The following SMAP1 variants were observed in gnomAD, a reference collection of about 807,000 sequenced individuals.
SMAP1 encodes the protein stromal membrane-associated protein 1.
In SMAP1, 24 loss-of-function variants were observed where a neutral mutation model predicts 58.5. That is an observed-to-expected ratio of 0.41 (90% CI 0.30 to 0.58). SMAP1 has a LOEUF of 0.58. SMAP1 is among the 20% of genes least tolerant of loss of function. The pLI is 0.29. For synonymous variants in SMAP1, 216 were observed against 196.6 expected, an observed-to-expected ratio of 1.10 and a Z score of -0.82; for missense variants, 563 against 566.3, an observed-to-expected ratio of 0.99 and a Z score of 0.06.
intron 6 of SMAP1, among the ~76,000 whole-genome samples, chr6:70,822,883 G>A (rs4580826): frequency 0.49 from 73,875 of 151,000 alleles, 18,345 homozygotes; most frequent in Non-Finnish European, 0.52. Flanking sequence ...TTGTATTGAT[G>A]TATCCTCAAG....
At chr6:70,766,657 G>C (rs1185985054) in intron 3 of SMAP1, among the ~76,000 whole-genome samples, 1 of 152,162 alleles carries the variant, frequency 6.6e-6, no homozygotes, top group Admixed American at 6.5e-5. Flanking sequence ...CCCTTTGTCA[G>C]ATGAATAGGT....
At chr6:70,817,140 T>TATATA (rs1554205797) in intron 6 of SMAP1, among the ~76,000 whole-genome samples, 1 of 140,966 alleles carries the variant, frequency 7.1e-6, no homozygotes, top group African/African-American at 2.6e-5. Context: ...ATATATATAT[T>TATATA]TTTTTTTTGC....
At chr6:70,789,591 TC>T (rs1207713852) in intron 4 of SMAP1, among the ~76,000 whole-genome samples, 5 of 144,950 alleles carry the variant, frequency 3.4e-5, no homozygotes, top group African/African-American at 7.6e-5. Flanking sequence ...TTTTCTTTTT[TC>T]TTTTTTTTTT....
chr6:70,750,457 A>G (rs1037436983), intron 2 of SMAP1, among the ~76,000 whole-genome samples: 1 of 152,244 alleles, frequency 6.6e-6, no homozygotes, highest in Non-Finnish European at 1.5e-5. Flanking sequence ...TGTAAAATAT[A>G]AATGACTTAA....
chr6:70,668,113 C>G lies in SMAP1; in HGVS notation c.90C>G (p.Asn30Lys), dbSNP rs1333123471. 1 of 1,603,794 alleles carries G rather than the reference C, an allele frequency of 6.2e-7. No homozygotes were observed. ...ILSKLLREED[N>K]KYCADCEAKG... is the part of the protein sequence containing the mutation. ...CCAAGCTTCTGAGGGAGGAGGACAA[C>G]AAGTACTGCGCCGACTGCGAGGCCA... is the stretch of plus-strand genomic sequence containing the variant. The change falls in exon 1 of 11, where the codon AAC becomes AAG. Residue 30 changes from asparagine to lysine, a missense_variant. By Grantham distance (94) the Asn-to-Lys change is moderately conservative. Transcript: ENST00000370455.
intron 3 of SMAP1, chr6:70,759,761 G>A (rs571700600): frequency 7.9e-5 from 24 of 305,522 alleles, no homozygotes; most frequent in Middle Eastern, 8.2e-4. Context: ...TAGATTTCAG[G>A]AAAGATGAGA....
At chr6:70,769,433 C>T (rs1409451205) in intron 3 of SMAP1, among the ~76,000 whole-genome samples, 3 of 152,096 alleles carry the variant, frequency 2.0e-5, no homozygotes, top group Non-Finnish European at 1.5e-5. Flanking sequence ...AATCTGGGTG[C>T]TCCTGTATTG....
chr6:70,709,192 C>T (rs1767957551), intron 1 of SMAP1, among the ~76,000 whole-genome samples: 1 of 152,060 alleles, frequency 6.6e-6, no homozygotes, highest in South Asian at 2.1e-4. Flanking sequence ...GCCATTGTGT[C>T]TTCTTGGCGG....
chr6:70,757,414 C>T (rs2149892312), intron 3 of SMAP1, among the ~76,000 whole-genome samples: 1 of 152,008 alleles, frequency 6.6e-6, no homozygotes, highest in South Asian at 2.1e-4. Flanking sequence ...ACAATAAAAA[C>T]CCTAGAAGAA....
At chr6:70,790,112 C>T (rs964023998) in intron 4 of SMAP1, among the ~76,000 whole-genome samples, 2 of 152,170 alleles carry the variant, frequency 1.3e-5, no homozygotes, top group African/African-American at 4.8e-5. Flanking sequence ...CAGCTATCTT[C>T]TAAAGTGATC....
intron 3 of SMAP1, among the ~76,000 whole-genome samples, chr6:70,762,436 A>C (rs1582133223): frequency 1.3e-5 from 2 of 152,234 alleles, no homozygotes; most frequent in Admixed American, 1.3e-4. Context: ...GGGATAAATA[A>C]CTGTTTCTTT....
rs745563017 is a variant in SMAP1, at chr6:70,861,744, G to C, written c.*1410G>C. On this transcript the variant is annotated 3_prime_UTR_variant, in exon 11 of 11. Coordinates refer to ENST00000370455, the MANE Select transcript of SMAP1 (RefSeq NM_001044305.3). The stretch of plus-strand genomic sequence containing the variant: ...CCTTCTCTGTCCGAGTGTGCCACAC[G>C]AGAACCTGAAGGGGAAGGAAATAGC... 6.2e-7 allele frequency: 1 copy of C among 1,614,034 alleles called. No homozygotes were observed. The highest frequency in any genetic ancestry group is 1.1e-5 in the South Asian group (1 of 91,082).
chr6:70,723,499 T>A (rs1489090828), intron 1 of SMAP1, among the ~76,000 whole-genome samples: 1 of 152,172 alleles, frequency 6.6e-6, no homozygotes, highest in African/African-American at 2.4e-5. Flanking sequence ...AGATCACTGG[T>A]CAAATAGAAC....
intron 10 of SMAP1, 131 bp from the exon 11 acceptor site, chr6:70,860,069 G>GTACTC (rs1407711444): frequency 2.6e-5 from 26 of 993,018 alleles, no homozygotes; most frequent in Non-Finnish European, 3.5e-5. Flanking sequence ...TATTTGTATG[G>GTACTC]TACTCTGTTT....
At chr6:70,859,374 A>T in intron 10 of SMAP1, 1 of 1,549,548 alleles carries the variant, frequency 6.5e-7, no homozygotes, top group Non-Finnish European at 8.7e-7. Context: ...CATCAGTGCA[A>T]TCTACTGGCC....
intron 6 of SMAP1, among the ~76,000 whole-genome samples, chr6:70,800,891 C>T (rs1408488026): frequency 6.6e-6 from 1 of 152,122 alleles, no homozygotes; most frequent in Non-Finnish European, 1.5e-5. Flanking sequence ...TGTATATGTG[C>T]CACATTTTCT....
intron 1 of SMAP1, among the ~76,000 whole-genome samples, chr6:70,719,955 A>T (rs1768446806): frequency 6.6e-6 from 1 of 152,070 alleles, no homozygotes; most frequent in South Asian, 2.1e-4. Context: ...TCACTCCCAA[A>T]TTGTATGTCC....
At chr6:70,727,490 T>G (rs975311414) in intron 1 of SMAP1, among the ~76,000 whole-genome samples, 2 of 152,252 alleles carry the variant, frequency 1.3e-5, no homozygotes, top group Non-Finnish European at 1.5e-5. Context: ...TTACCTCTTC[T>G]ATGTTCCTGT....
At position 70,668,122 on chromosome 6, in the gene SMAP1, C is replaced by T. The variant is rs2128545325; in HGVS notation, c.99C>T (p.Cys33=). 2 of 1,600,440 alleles carry T rather than the reference C, an allele frequency of 1.2e-6. No homozygotes were observed. Among genetic ancestry groups the T allele is most frequent in the South Asian group, 1.1e-5 (1 of 89,442 alleles). The change falls in exon 1 of 11, where the codon TGC becomes TGT. Residue 33 remains cysteine (C), a synonymous_variant. Coordinates refer to ENST00000370455, the MANE Select transcript of SMAP1 (RefSeq NM_001044305.3). ...KLLREEDNKY[C]ADCEAKGPRW... ...TGAGGGAGGAGGACAACAAGTACTGCGCCGACTGCGAGGCCAAAGGTAGCT... is the reference window on the plus strand; with the variant it reads ...TGAGGGAGGAGGACAACAAGTACTGTGCCGACTGCGAGGCCAAAGGTAGCT...
Sources: allele counts gnomAD v4.1 joint callset (sites outside exome capture counted in the v4.1 genomes callset), GRCh38; gene constraint gnomAD v4.1.1; transcripts MANE v1.5; gene names NCBI Gene and HGNC (gene_info 2026-07-23, HGNC 2026-07-21).